MCEE: variants seen among roughly 807,000 people sequenced by gnomAD.
MCEE encodes methylmalonyl-CoA epimerase, mitochondrial.
In MCEE, 6 loss-of-function variants were observed where a neutral mutation model predicts 12.9. That is an observed-to-expected ratio of 0.47 (90% CI 0.26 to 0.92). The LOEUF is 0.92. Among genes scored for constraint, MCEE ranks in the 40% least tolerant of loss-of-function variants. The pLI, the probability that MCEE is intolerant of heterozygous loss-of-function variation, is 0.16. For synonymous variants in MCEE, 78 were observed against 77.9 expected (o/e 1.00, Z -0.01); for missense variants, 214 against 212.1 (o/e 1.01, Z -0.05).
At chr2:71,127,733 TCTCCTGC>T (rs1673267893) in intron 1 of MCEE, among the ~76,000 whole-genome samples, 1 of 152,172 alleles carries the variant, frequency 6.6e-6, no homozygotes, top group South Asian at 2.1e-4. Context: ...TTCAAGCAAT[TCTCCTGC>T]CTCAGCCTCC....
At chr2:71,116,912 A>G (rs1476361738) in intron 2 of MCEE, 1 of 150,466 alleles carries the variant, frequency 6.6e-6, no homozygotes, top group African/African-American at 2.5e-5. Context: ...TGGCAATACA[A>G]TCTTGTTTAT....
chr2:71,113,190 G>T (rs1672923498), intron 2 of MCEE, among the ~76,000 whole-genome samples: 1 of 152,212 alleles, frequency 6.6e-6, no homozygotes, highest in African/African-American at 2.4e-5. Flanking sequence ...GGTCTATGTG[G>T]TAATGGATTA....
chr2:71,115,129 C>T (rs974260521), intron 2 of MCEE, among the ~76,000 whole-genome samples: 1 of 152,140 alleles, frequency 6.6e-6, no homozygotes, highest in African/African-American at 2.4e-5. Context: ...GTGGTTCATG[C>T]CTATAATCCC....
At chr2:71,110,235 G>A (rs1340123225) in intron 2 of MCEE, 113 bp from the exon 3 acceptor site, 17 of 859,140 alleles carry the variant, frequency 2.0e-5, no homozygotes, top group Non-Finnish European at 3.2e-5. Flanking sequence ...TCCTCTGCCT[G>A]TGGGCAGGAC....
In MCEE at chr2:71,109,831, T is replaced by C. The variant is rs1406491942; in HGVS notation, c.*139A>G. ...TTTATGTATTTATATATGTATATAT[T>C]TTAATCTTTCTGTAATTCAGTCTTT... On this transcript the variant is annotated 3_prime_UTR_variant, in exon 3 of 3. Transcript: ENST00000244217. 4 of 668,248 alleles carry C rather than the reference T, an allele frequency of 6.0e-6. No homozygotes were observed. The highest frequency in any genetic ancestry group is 1.0e-5 in the Non-Finnish European group (4 of 391,222). 41.4% of individuals were successfully genotyped at this position (668,248 alleles called of 1,614,324 possible). A position where few individuals can be genotyped will look rare whatever the true frequency, so the allele number is the denominator to read the frequency against.
chr2:71,125,207 ATATAT>A (rs1382336505), intron 1 of MCEE, among the ~76,000 whole-genome samples: 9 of 46,600 alleles, frequency 1.9e-4, no homozygotes, highest in African/African-American at 5.5e-4. Context: ...ATATATATAT[ATATAT>A]TTTTTTTTTT....
intron 1 of MCEE, 108 bp from the exon 2 acceptor site, chr2:71,124,651 T>C (rs775387540): frequency 6.0e-6 from 5 of 827,768 alleles, no homozygotes; most frequent in Non-Finnish European, 9.9e-6. Flanking sequence ...ATTATTTATA[T>C]ATCTGTTCTT....
rs1375409981 is a variant in MCEE, at chr2:71,124,542, C to G, written c.42G>C (p.Gly14=). 6.2e-7 allele frequency: 1 copy of G among 1,613,164 alleles called. No individual in the cohort carries two copies. The highest frequency in any genetic ancestry group is 1.3e-5 in the African/African-American group (1 of 74,872). ...TGGGAGCTTGAAGTCTGGAAAAAAG[C>G]CCTGAAAAATTGAACAGCCATTGAT... The part of the protein sequence containing the change: ...VLKAAAANAV[G]LFSRLQAPIP... Residue 14 remains glycine, a splice_region_variant and synonymous_variant, in exon 2 of 3, where the codon GGG becomes GGC. Coordinates refer to ENST00000244217, the MANE Select transcript of MCEE (RefSeq NM_032601.4).
chr2:71,125,986 C>A (rs953086072), intron 1 of MCEE, among the ~76,000 whole-genome samples: 1 of 151,646 alleles, frequency 6.6e-6, no homozygotes, highest in Admixed American at 6.6e-5. Context: ...GTAGCTGGAA[C>A]CATAGGCATG....
chr2:71,116,035 T>C (rs1175602517), intron 2 of MCEE, among the ~76,000 whole-genome samples: 1 of 150,160 alleles, frequency 6.7e-6, no homozygotes, highest in African/African-American at 2.5e-5. Context: ...GAGTGTACCA[T>C]ATAGTTCTGG....
At chr2:71,125,460 G>A (rs2103643059) in intron 1 of MCEE, among the ~76,000 whole-genome samples, 1 of 151,556 alleles carries the variant, frequency 6.6e-6, no homozygotes, top group Middle Eastern at 3.4e-3. Flanking sequence ...ACCCACCTCG[G>A]CCTCCCAAAG....
At chr2:71,116,725 T>C (rs957807336) in intron 2 of MCEE, 2 of 149,686 alleles carry the variant, frequency 1.3e-5, no homozygotes, top group African/African-American at 5.1e-5. Flanking sequence ...ATATTTTTAG[T>C]AGAGATAGGT....
chr2:71,109,880 A>G lies in MCEE; in HGVS notation c.*90T>C. On this transcript the variant is annotated 3_prime_UTR_variant, in exon 3 of 3. Transcript: ENST00000244217. The stretch of plus-strand genomic sequence containing the variant: ...TTAACTGTGAACTTTTACATGATGG[A>G]AGCAGTGAAGGACTCAATGTCATAG... 8.0e-7 allele frequency: 1 copy of G among 1,247,080 alleles called. No homozygotes were observed. 77.3% of individuals were successfully genotyped at this position (1,247,080 alleles called of 1,614,324 possible).
chr2:71,125,211 A>ATATTTT, intron 1 of MCEE, among the ~76,000 whole-genome samples: 13 of 48,592 alleles, frequency 2.7e-4, no homozygotes, highest in African/African-American at 7.2e-4. Flanking sequence ...ATATATATAT[A>ATATTTT]TTTTTTTTTT....
intron 1 of MCEE, 137 bp downstream of exon 1, chr2:71,130,043 G>T: frequency 1.2e-6 from 1 of 862,952 alleles, no homozygotes; most frequent in Non-Finnish European, 1.9e-6. Flanking sequence ...CTAAGTGACA[G>T]CAGCTGCTGT....
intron 2 of MCEE, among the ~76,000 whole-genome samples, chr2:71,113,679 T>C (rs541673920): frequency 1.3e-5 from 2 of 152,276 alleles, no homozygotes; most frequent in South Asian, 4.1e-4. Context: ...AAAAGTAGTA[T>C]TAGATTGTAA....
chr2:71,113,983 A>T (rs1672942665), intron 2 of MCEE, among the ~76,000 whole-genome samples: 2 of 152,198 alleles, frequency 1.3e-5, no homozygotes, highest in South Asian at 4.1e-4. Flanking sequence ...GAAAAATATC[A>T]CACAAATCTC....
intron 1 of MCEE, among the ~76,000 whole-genome samples, chr2:71,126,230 A>AT (rs368584551): frequency 0.041 from 6,177 of 152,200 alleles, 378 homozygotes; most frequent in African/African-American, 0.13. Context: ...ACTGTACTTT[A>AT]TTATTTATTT....
intron 1 of MCEE, among the ~76,000 whole-genome samples, chr2:71,125,211 A>ATATATATATTTTTTTTT: frequency 4.1e-5 from 2 of 48,594 alleles, no homozygotes; most frequent in Non-Finnish European, 8.8e-5. Flanking sequence ...ATATATATAT[A>ATATATATATTTTTTTTT]TTTTTTTTTT....
Sources: gnomAD v4.1 joint callset for allele counts (sites outside exome capture counted in the v4.1 genomes callset) on GRCh38, gnomAD v4.1.1 for gene constraint, MANE v1.5 for transcripts, NCBI Gene and HGNC (gene_info 2026-07-23, HGNC 2026-07-21) for gene names.